ATRNL1: variants seen among roughly 807,000 people sequenced by gnomAD.
ATRNL1 encodes the protein attractin like 1.
In ATRNL1, 95 loss-of-function variants were observed where a neutral mutation model predicts 182.7. The ratio of observed to expected loss-of-function variants is 0.52; its 90% confidence interval spans 0.44 to 0.62. ATRNL1 has a LOEUF of 0.62. Among genes scored for constraint, ATRNL1 ranks in the 20% least tolerant of loss-of-function variants. The pLI, the probability that ATRNL1 is intolerant of heterozygous loss-of-function variation, is 0.00. For synonymous variants in ATRNL1, 576 were observed against 568.3 expected (o/e 1.01, Z -0.19); for missense variants, 1,471 against 1,679.5 (o/e 0.88, Z 2.17).
intron 28 of ATRNL1, among the ~76,000 whole-genome samples, chr10:115,925,537 T>C (rs782726226): frequency 3.3e-5 from 5 of 151,206 alleles, no homozygotes; most frequent in African/African-American, 4.9e-5. Flanking sequence ...AAGACACACA[T>C]AGGCTCAAAA....
chr10:115,563,973 C>T (rs1415045621), intron 26 of ATRNL1, among the ~76,000 whole-genome samples: 1 of 152,040 alleles, frequency 6.6e-6, no homozygotes, highest in African/African-American at 2.4e-5. Context: ...TTCTGTTCTC[C>T]TCATGTCCAA....
chr10:115,098,453 C>CTTTTTTTTT (rs71010006), intron 1 of ATRNL1, among the ~76,000 whole-genome samples: 3 of 80,742 alleles, frequency 3.7e-5, no homozygotes, highest in African/African-American at 1.2e-4. Flanking sequence ...ATACTAGTTT[C>CTTTTTTTTT]TTTTTTTTTT....
intron 20 of ATRNL1, among the ~76,000 whole-genome samples, chr10:115,406,117 A>T (rs1225123818): frequency 2.6e-5 from 4 of 151,854 alleles, no homozygotes; most frequent in Non-Finnish European, 5.9e-5. Flanking sequence ...GTTAGTTCCA[A>T]GTCTTTGCTA....
In ATRNL1 at chr10:115,332,834, T is replaced by A. The variant is rs541901036; in HGVS notation, c.3038-1448T>A. Among the ~76,000 whole-genome samples, 82 of 152,172 alleles carry A rather than the reference T, an allele frequency of 5.4e-4. 1 individual carries two copies. In the East Asian group the frequency reaches 0.012, roughly 22 times the overall value. On this transcript the variant is annotated intron_variant, in intron 18 of 28. Transcript: ENST00000355044. ...TGCTATTTAATATCTGTTTTTTTTT[T>A]ACATTCAATGTTCCATATACATATT...
intron 25 of ATRNL1, among the ~76,000 whole-genome samples, chr10:115,524,113 C>T (rs1221279546): frequency 1.3e-5 from 2 of 152,048 alleles, no homozygotes; most frequent in African/African-American, 4.8e-5. Flanking sequence ...GACAGAAGTT[C>T]CAGACTCTTT....
chr10:115,536,317 G>A (rs542985365), intron 25 of ATRNL1, among the ~76,000 whole-genome samples: 12 of 152,296 alleles, frequency 7.9e-5, no homozygotes, highest in East Asian at 3.9e-4. Context: ...GGGCAATGGC[G>A]GGCGCCCCTC....
intron 6 of ATRNL1, among the ~76,000 whole-genome samples, chr10:115,163,847 T>C (rs1846914578): frequency 1.3e-5 from 2 of 152,136 alleles, no homozygotes; most frequent in South Asian, 4.1e-4. Context: ...GGACTAGTGG[T>C]GTGAATCTGT....
In ATRNL1 at chr10:115,528,073, T is replaced by TTCCTTCCTTC. The variant is rs1565133603; in HGVS notation, c.3716+8749_3716+8750insTCCTTCCTTC. 6.5e-3 allele frequency among the ~76,000 whole-genome samples: 157 copies of TTCCTTCCTTC among 24,136 alleles called. 22 individuals are homozygous for TTCCTTCCTTC. The highest frequency in any genetic ancestry group is 0.014 in the African/African-American group (148 of 10,308). The allele number at this position is 24,136 out of a possible 152,430, so 15.8% of individuals were successfully genotyped here. On this transcript the variant is annotated intron_variant, in intron 25 of 28. Transcript: ENST00000355044. ...TCCTTCCTTCCTTCCTTCCTTCCTT[T>TTCCTTCCTTC]CCCTTCTCATTTCTAAAAATAATCT...
chr10:115,916,703 T>G (rs1952864748), intron 28 of ATRNL1, among the ~76,000 whole-genome samples: 1 of 152,148 alleles, frequency 6.6e-6, no homozygotes, highest in Non-Finnish European at 1.5e-5. Context: ...CAGTGTAGAC[T>G]GCCAGACATC....
intron 15 of ATRNL1, among the ~76,000 whole-genome samples, chr10:115,291,204 C>T (rs1852886278): frequency 6.6e-6 from 1 of 152,176 alleles, no homozygotes; most frequent in Non-Finnish European, 1.5e-5. Context: ...TAATTTCTTT[C>T]TAGTTCTTGT....
At position 115,315,520 on chromosome 10, in the gene ATRNL1, C is replaced by T. The variant is rs782820726; in HGVS notation, c.2821C>T (p.Gln941Ter). 5.0e-6 allele frequency: 8 copies of T among 1,604,354 alleles called. No individual in the cohort carries two copies. The highest frequency in any genetic ancestry group is 6.8e-6 in the Non-Finnish European group (8 of 1,173,048). ...LEWQTATCSP[Q>*]NCSGLRTCGQ... ...TTGTCAATGTTCCTGTCACGCAGCTCAAAATTGTTCTGGATTGAGAACCTG... is the reference window on the plus strand; with the variant it reads ...TTGTCAATGTTCCTGTCACGCAGCTTAAAATTGTTCTGGATTGAGAACCTG... The change falls in exon 18 of 29, where the codon CAA (glutamine) becomes TAA (stop). Residue 941 changes from glutamine (Q) to a stop codon, truncating the protein, a stop_gained and splice_region_variant. Transcript: ENST00000355044. LOFTEE classifies it high-confidence loss of function.
chr10:115,406,905 G>C (rs1554958401), intron 20 of ATRNL1, among the ~76,000 whole-genome samples: 1 of 151,748 alleles, frequency 6.6e-6, no homozygotes, highest in African/African-American at 2.4e-5. Flanking sequence ...TGCTTTTTTG[G>C]GTTCTGTTTA....
intron 26 of ATRNL1, among the ~76,000 whole-genome samples, chr10:115,675,996 T>C (rs1482717116): frequency 1.3e-5 from 2 of 152,082 alleles, no homozygotes; most frequent in Non-Finnish European, 2.9e-5. Flanking sequence ...TTTGTAGTTG[T>C]TCCTAAATAA....
At chr10:115,771,790 CT>C (rs1294942397) in intron 27 of ATRNL1, among the ~76,000 whole-genome samples, 3 of 152,102 alleles carry the variant, frequency 2.0e-5, no homozygotes, top group Non-Finnish European at 4.4e-5. Flanking sequence ...GATTGGGATG[CT>C]TAATTTTACT....
chr10:115,909,590 G>T (rs1288769621), intron 28 of ATRNL1: 10 of 136,856 alleles, frequency 7.3e-5, no homozygotes, highest in African/African-American at 2.5e-4. Flanking sequence ...TAGCTTCATG[G>T]TTTTTTTTCT....
chr10:115,217,111 G>A (rs572019876), intron 9 of ATRNL1, among the ~76,000 whole-genome samples: 6 of 151,888 alleles, frequency 4.0e-5, no homozygotes, highest in South Asian at 4.1e-4. Flanking sequence ...TATTTGAGAC[G>A]GAGTTTTACT....
At position 115,581,107 on chromosome 10, in the gene ATRNL1, T is replaced by G. The variant is rs188069451; in HGVS notation, c.3795+31571T>G. ...TTTCCTGACTTTTATTGACACTCTGTGTTGGTTTCTGCACAGTCTGTAAGA... is the reference window on the plus strand; with the variant it reads ...TTTCCTGACTTTTATTGACACTCTGGGTTGGTTTCTGCACAGTCTGTAAGA... On this transcript the variant is annotated intron_variant, in intron 26 of 28. Coordinates refer to ENST00000355044, the MANE Select transcript of ATRNL1 (RefSeq NM_207303.4). Among the ~76,000 whole-genome samples the G allele has an allele frequency of 4.6e-5, 7 of 152,296 alleles. No individual in the cohort carries two copies. In the East Asian group the frequency reaches 1.4e-3, roughly 29 times the overall value.
rs1849588854 is a variant in ATRNL1 at position 115,223,931 on chromosome 10, T to TA, written c.1532+8051_1532+8052insA. 5.7e-3 allele frequency among the ~76,000 whole-genome samples: 222 copies of TA among 39,136 alleles called. 1 individual carries two copies. The highest frequency in any genetic ancestry group is 0.017 in the East Asian group (41 of 2,434). The allele number at this position is 39,136 out of a possible 152,430, so 25.7% of individuals were successfully genotyped here. ...TGTGTGTGTATATATATATATATAT[T>TA]TTTTTTTTTTTTTTTTTTCTTTGAG... is the stretch of plus-strand genomic sequence containing the variant. On this transcript the variant is annotated intron_variant, in intron 9 of 28. Coordinates refer to ENST00000355044, the MANE Select transcript of ATRNL1 (RefSeq NM_207303.4).
At chr10:115,183,454 G>C (rs1481807644) in intron 8 of ATRNL1, among the ~76,000 whole-genome samples, 2 of 151,330 alleles carry the variant, frequency 1.3e-5, no homozygotes, top group Non-Finnish European at 3.0e-5. Context: ...GAAGCCAGCA[G>C]CTCATTTAAT....
Sources: gnomAD v4.1 joint callset for allele counts (sites outside exome capture counted in the v4.1 genomes callset) on GRCh38, gnomAD v4.1.1 for gene constraint, MANE v1.5 for transcripts, NCBI Gene and HGNC (gene_info 2026-07-23, HGNC 2026-07-21) for gene names.